The following RBM46 variants were observed in gnomAD, a reference collection of about 807,000 sequenced individuals.
RBM46 encodes the protein probable RNA-binding protein 46.
A neutral mutation model predicts 43.3 loss-of-function variants in RBM46; 12 were observed. That is an observed-to-expected ratio of 0.28 (90% confidence interval 0.18 to 0.45). The LOEUF is 0.45. Among genes scored for constraint, RBM46 ranks in the 20% least tolerant of loss-of-function variants. The pLI is 1.00. For missense variants in RBM46, 412 were observed against 639.1 expected (o/e 0.64, Z 3.83); for synonymous variants, 205 against 207.6 (o/e 0.99, Z 0.11).
At chr4:154,822,649 G>C (rs1201419532) in intron 4 of RBM46, among the ~76,000 whole-genome samples, 1 of 151,314 alleles carries the variant, frequency 6.6e-6, no homozygotes, top group African/African-American at 2.4e-5. Context: ...TATGGTTATT[G>C]AATGTTAGAA....
chr4:154,826,290 T>G (rs1017361593), intron 4 of RBM46, among the ~76,000 whole-genome samples: 6 of 152,004 alleles, frequency 3.9e-5, no homozygotes, highest in African/African-American at 1.5e-4. Flanking sequence ...AAACCCCGTC[T>G]CTACTAAAAA....
intron 4 of RBM46, among the ~76,000 whole-genome samples, chr4:154,814,506 TA>T (rs1735332127): frequency 6.6e-6 from 1 of 152,012 alleles, no homozygotes; most frequent in African/African-American, 2.4e-5. Flanking sequence ...ATCTCTTCTA[TA>T]TGCCGACAGA....
intron 1 of RBM46, among the ~76,000 whole-genome samples, chr4:154,786,078 T>C (rs1402119430): frequency 6.6e-6 from 1 of 152,182 alleles, no homozygotes; most frequent in African/African-American, 2.4e-5. Context: ...AGTTGGTTGC[T>C]CAGTCAATCC....
chr4:154,805,439 C>A (rs952728715), intron 4 of RBM46, among the ~76,000 whole-genome samples: 2 of 151,878 alleles, frequency 1.3e-5, no homozygotes, highest in African/African-American at 2.4e-5. Context: ...TTTGAAATGG[C>A]GTACATCAGT....
At chr4:154,788,754 A>G (rs1405118591) in intron 1 of RBM46, among the ~76,000 whole-genome samples, 1 of 152,140 alleles carries the variant, frequency 6.6e-6, no homozygotes. Flanking sequence ...GATGGCATTG[A>G]ATGTCTAAAT....
At chr4:154,793,392 G>A (rs1734196956) in intron 1 of RBM46, among the ~76,000 whole-genome samples, 1 of 152,160 alleles carries the variant, frequency 6.6e-6, no homozygotes, top group Admixed American at 6.5e-5. Context: ...TAATTATGAA[G>A]TATATGTGTA....
At chr4:154,784,174 A>G (rs958747792) in intron 1 of RBM46, among the ~76,000 whole-genome samples, 1 of 152,212 alleles carries the variant, frequency 6.6e-6, no homozygotes, top group Non-Finnish European at 1.5e-5. Flanking sequence ...TCATTATTAC[A>G]TTGAGTTTTT....
chr4:154,796,047 A>C (rs1734336645), intron 1 of RBM46, among the ~76,000 whole-genome samples: 2 of 152,196 alleles, frequency 1.3e-5, no homozygotes, highest in Admixed American at 6.5e-5. Context: ...GTGTGCCTGC[A>C]GTCCCAGCTA....
In RBM46 at chr4:154,806,870, A is replaced by G. The variant is rs141042310; in HGVS notation, c.1402+7306A>G. ...GGAAAATAATGATGTGTATCAAAAC[A>G]TGCCATGTGGGGAGTATCTGTCCCA... is the stretch of plus-strand genomic sequence containing the variant. On this transcript the variant is annotated intron_variant, in intron 4 of 4. Transcript: ENST00000281722. 6.8e-3 allele frequency among the ~76,000 whole-genome samples: 1,031 copies of G among 151,964 alleles called. 14 individuals are homozygous for G. The highest frequency in any genetic ancestry group is 0.024 in the African/African-American group (994 of 41,570).
chr4:154,808,143 A>G (rs1030313239), intron 4 of RBM46, among the ~76,000 whole-genome samples: 1 of 151,990 alleles, frequency 6.6e-6, no homozygotes, highest in Non-Finnish European at 1.5e-5. Context: ...TTGCCTGATA[A>G]TTTGGTTTTT....
At position 154,816,918 on chromosome 4, in the gene RBM46, A is replaced by G. The variant is rs13148637; in HGVS notation, c.1403-10950A>G. ...TTTTGTCAAATACTTTTTTGCATCT[A>G]GTTAATTACATCATTTTTGTCTTTT... On this transcript the variant is annotated intron_variant, in intron 4 of 4. Coordinates refer to ENST00000281722, the MANE Select transcript of RBM46 (RefSeq NM_144979.5). 8.8e-3 allele frequency among the ~76,000 whole-genome samples: 1,341 copies of G among 152,164 alleles called. 11 individuals are homozygous for G. Among genetic ancestry groups the G allele is most frequent in the Non-Finnish European group, 0.014 (941 of 67,988 alleles).
intron 1 of RBM46, among the ~76,000 whole-genome samples, chr4:154,795,007 A>G (rs1311241904): frequency 3.3e-5 from 5 of 152,118 alleles, no homozygotes; most frequent in African/African-American, 9.7e-5. Flanking sequence ...TGCATAGAAT[A>G]TAGTTGGTCC....
chr4:154,815,139 A>T (rs1242045413), intron 4 of RBM46, among the ~76,000 whole-genome samples: 1 of 152,048 alleles, frequency 6.6e-6, no homozygotes, highest in Non-Finnish European at 1.5e-5. Context: ...GGATTGATTC[A>T]TACTATTTCA....
chr4:154,782,640 C>T (rs578188491), intron 1 of RBM46, among the ~76,000 whole-genome samples: 2 of 152,246 alleles, frequency 1.3e-5, no homozygotes, highest in South Asian at 2.1e-4. Context: ...CGCGCGCCAC[C>T]ACGCACAGCT....
rs181511917 is a variant in RBM46, at chr4:154,828,591, A to G, written c.*524A>G. On this transcript the variant is annotated 3_prime_UTR_variant, in exon 5 of 5. Coordinates refer to ENST00000281722, the MANE Select transcript of RBM46 (RefSeq NM_144979.5). ...TGCAGTACTAAAGAAAAAGCAGTCT[A>G]CCATTGTGGTCCTTGAAAATAACTA... is the stretch of plus-strand genomic sequence containing the variant. The G allele has an allele frequency of 1.3e-5, 2 of 152,894 alleles. No homozygotes were observed. The highest frequency in any genetic ancestry group is 3.9e-4 in the East Asian group (2 of 5,188). 9.5% of individuals were successfully genotyped at this position (152,894 alleles called of 1,614,324 possible).
At chr4:154,804,285 A>T (rs1258076568) in intron 4 of RBM46, among the ~76,000 whole-genome samples, 1 of 152,218 alleles carries the variant, frequency 6.6e-6, no homozygotes, top group African/African-American at 2.4e-5. Context: ...TATTTGCTAT[A>T]TGGAGATATC....
intron 4 of RBM46, among the ~76,000 whole-genome samples, chr4:154,803,620 G>A (rs1488590534): frequency 2.1e-5 from 3 of 146,140 alleles, no homozygotes; most frequent in Non-Finnish European, 4.5e-5. Flanking sequence ...GGAGAATGGC[G>A]TGAACCCGGG....
chr4:154,802,592 A>G (rs1449244565), intron 4 of RBM46, among the ~76,000 whole-genome samples: 1 of 152,178 alleles, frequency 6.6e-6, no homozygotes, highest in Admixed American at 6.5e-5. Flanking sequence ...ACATCCTAGT[A>G]AATACTTACG....
chr4:154,797,851 T>C lies in RBM46; in HGVS notation c.192T>C (p.Phe64=). The C allele has an allele frequency of 6.4e-7, 1 of 1,563,076 alleles. No homozygotes were observed. The change falls in exon 3 of 5, where the codon TTT becomes TTC. Residue 64 remains phenylalanine (F), a synonymous_variant. Transcript: ENST00000281722. Reference sequence around the variant, plus strand: ...CTCCACCTAGAGGCTGTGAAGTTTTTGTAGGAAAAATACCTCGTGATATGT... The same window carrying C: ...CTCCACCTAGAGGCTGTGAAGTTTTCGTAGGAAAAATACCTCGTGATATGT... ...GPPPPRGCEV[F]VGKIPRDMYE... is the part of the protein sequence containing the mutation.
Sources: allele counts gnomAD v4.1 joint callset (sites outside exome capture counted in the v4.1 genomes callset), GRCh38; gene constraint gnomAD v4.1.1; transcripts MANE v1.5; gene names NCBI Gene and HGNC (gene_info 2026-07-23, HGNC 2026-07-21).